Variants in NTN1 observed in about 807,000 individuals in gnomAD.
NTN1 encodes netrin-1.
A neutral mutation model predicts 54.2 loss-of-function variants in NTN1; 11 were observed. The ratio of observed to expected loss-of-function variants is 0.20; its 90% CI spans 0.13 to 0.34. The LOEUF (loss-of-function observed/expected upper bound fraction) is 0.34. NTN1 is among the 10% of genes least tolerant of loss of function. NTN1 has a pLI of 1.00. For synonymous variants in NTN1, 371 were observed against 382.0 expected (o/e 0.97, Z 0.33); for missense variants, 740 against 893.1 (o/e 0.83, Z 2.18).
chr17:9,186,637 G>A (rs2092433644), intron 5 of NTN1, among the ~76,000 whole-genome samples: 1 of 152,256 alleles, frequency 6.6e-6, no homozygotes, highest in South Asian at 2.1e-4. Context: ...TAGTCTGAAA[G>A]GAAAACTCCA....
At chr17:9,140,947 G>A (rs1271773944) in intron 2 of NTN1, among the ~76,000 whole-genome samples, 1 of 152,190 alleles carries the variant, frequency 6.6e-6, no homozygotes, top group African/African-American at 2.4e-5. Context: ...TTAGGTAATG[G>A]GGTCAGGGGA....
chr17:9,236,562 C>A (rs1478713318), intron 6 of NTN1, among the ~76,000 whole-genome samples: 1 of 152,184 alleles, frequency 6.6e-6, no homozygotes. Context: ...TGGCCTTTTT[C>A]CAGCATAATC....
At chr17:9,166,903 G>A (rs1168665868) in intron 3 of NTN1, among the ~76,000 whole-genome samples, 1 of 151,432 alleles carries the variant, frequency 6.6e-6, no homozygotes, top group Non-Finnish European at 1.5e-5. Context: ...GTGTAGAGGA[G>A]GGGTGGACCC....
At chr17:9,060,759 C>T (rs2091995019) in intron 2 of NTN1, among the ~76,000 whole-genome samples, 1 of 152,026 alleles carries the variant, frequency 6.6e-6, no homozygotes, top group African/African-American at 2.4e-5. Context: ...AGGCAGATCA[C>T]GAGGTTAAGA....
At chr17:9,037,033 G>T (rs1222354055) in intron 2 of NTN1, among the ~76,000 whole-genome samples, 3 of 152,108 alleles carry the variant, frequency 2.0e-5, no homozygotes. Flanking sequence ...TAAATCATGA[G>T]TGTTCAGGTG....
chr17:9,099,378 C>G (rs998633738), intron 2 of NTN1, among the ~76,000 whole-genome samples: 2 of 152,150 alleles, frequency 1.3e-5, no homozygotes, highest in African/African-American at 2.4e-5. Flanking sequence ...GCACTCCAGC[C>G]TAGGCAACAA....
the NTN1 span, among the ~76,000 whole-genome samples, chr17:9,007,471 T>A: frequency 6.6e-5 from 10 of 151,088 alleles, no homozygotes; most frequent in East Asian, 1.9e-4. Flanking sequence ...CTTCTCTTTC[T>A]TTCATTCATT....
chr17:9,158,399 G>A (rs898412306), intron 2 of NTN1, among the ~76,000 whole-genome samples: 4 of 152,224 alleles, frequency 2.6e-5, no homozygotes, highest in African/African-American at 9.6e-5. Context: ...AGGACAGGAT[G>A]ATGCTGTTAT....
chr17:9,152,813 T>C (rs546346501), intron 2 of NTN1, among the ~76,000 whole-genome samples: 1 of 152,270 alleles, frequency 6.6e-6, no homozygotes, highest in East Asian at 1.9e-4. Flanking sequence ...GATGGGAGAA[T>C]GGGTTCAGAG....
chr17:9,031,979 T>TA (rs377663794), intron 2 of NTN1, among the ~76,000 whole-genome samples: 31,966 of 139,794 alleles, frequency 0.23, 3,674 homozygotes, highest in African/African-American at 0.31. Context: ...AAAAAGAAGA[T>TA]AAAAAAAAAA....
At chr17:9,115,457 C>A (rs575105626) in intron 2 of NTN1, among the ~76,000 whole-genome samples, 1 of 152,214 alleles carries the variant, frequency 6.6e-6, no homozygotes, top group East Asian at 1.9e-4. Flanking sequence ...AAGAGAAAGC[C>A]GGGCTCCTGG....
chr17:9,014,759 G>A, the NTN1 span, among the ~76,000 whole-genome samples: 1 of 152,334 alleles, frequency 6.6e-6, no homozygotes, highest in African/African-American at 2.4e-5. Flanking sequence ...CTGGACCAGA[G>A]GTGTTAAGAA....
In NTN1 at chr17:9,135,446, G is replaced by A. The variant is rs1369848249; in HGVS notation, c.1019-27367G>A. Among the ~76,000 whole-genome samples, 3 of 152,144 alleles carry A rather than the reference G, an allele frequency of 2.0e-5. No homozygotes were observed. The highest frequency in any genetic ancestry group is 7.2e-5 in the African/African-American group (3 of 41,410). The stretch of plus-strand genomic sequence containing the variant: ...TTTGGACGTCCTTCCCCCTATTCTC[G>A]GGTTGTCTCCTGTTCCCAGCAATAG... On this transcript the variant is annotated intron_variant, in intron 2 of 6. Coordinates refer to ENST00000173229, the MANE Select transcript of NTN1 (RefSeq NM_004822.3). The surrounding 1 kb of genome is among the most constrained non-coding windows in gnomAD (Gnocchi z 4.4).
At chr17:9,143,083 G>T (rs958510901) in intron 2 of NTN1, among the ~76,000 whole-genome samples, 33 of 152,166 alleles carry the variant, frequency 2.2e-4, no homozygotes, top group African/African-American at 8.0e-4. Flanking sequence ...GGGATGAAGG[G>T]CAGCCGTCTG....
intron 2 of NTN1, among the ~76,000 whole-genome samples, chr17:9,113,273 C>T (rs1172222836): frequency 6.6e-6 from 1 of 152,038 alleles, no homozygotes; most frequent in Non-Finnish European, 1.5e-5. Flanking sequence ...CCACCCACCT[C>T]AGCCTCCCAA....
chr17:9,033,379 G>GTTGT (rs891853307), intron 2 of NTN1, among the ~76,000 whole-genome samples: 65 of 152,158 alleles, frequency 4.3e-4, no homozygotes, highest in African/African-American at 1.2e-3. Flanking sequence ...GGGTAGAGAG[G>GTTGT]TTGTTTGTTT....
At chr17:9,024,060 T>C (rs1284835765) in intron 2 of NTN1, among the ~76,000 whole-genome samples, 6 of 152,256 alleles carry the variant, frequency 3.9e-5, no homozygotes. Flanking sequence ...TCAATTCTGG[T>C]CTAAAAAAGT....
intron 2 of NTN1, among the ~76,000 whole-genome samples, chr17:9,144,719 C>T (rs1004729180): frequency 2.6e-5 from 4 of 152,256 alleles, no homozygotes; most frequent in Non-Finnish European, 4.4e-5. Flanking sequence ...CTTAGCACCT[C>T]GCTCCCCGGC....
intron 5 of NTN1, among the ~76,000 whole-genome samples, chr17:9,214,154 TTTTC>T (rs1341418674): frequency 6.6e-6 from 1 of 152,200 alleles, no homozygotes; most frequent in African/African-American, 2.4e-5. Context: ...GTTTTGCTCA[TTTTC>T]TAGCTTCTAG....
Sources: allele counts gnomAD v4.1 joint callset (sites outside exome capture counted in the v4.1 genomes callset), GRCh38; gene constraint gnomAD v4.1.1; non-coding constraint Gnocchi (gnomAD v3.1); transcripts MANE v1.5; gene names NCBI Gene and HGNC (gene_info 2026-07-23, HGNC 2026-07-21).